The following PDZRN3 variants were observed in gnomAD, a reference collection of about 807,000 sequenced individuals.
PDZRN3 encodes the protein E3 ubiquitin-protein ligase PDZRN3.
In PDZRN3, 38 loss-of-function variants were observed where a neutral mutation model predicts 85.7. The ratio of observed to expected loss-of-function variants is 0.44; its 90% CI spans 0.34 to 0.58. PDZRN3 has a LOEUF of 0.58. Among genes scored for constraint, PDZRN3 ranks in the 20% least tolerant of loss-of-function variants. The probability of loss-of-function intolerance (pLI) is 0.01; values close to 1 mark genes in which losing one functional copy is unlikely to be tolerated. For missense variants in PDZRN3, 1,629 were observed against 1,506.4 expected, an observed-to-expected ratio of 1.08 and a Z score of -1.35; for synonymous variants, 759 against 638.0, an observed-to-expected ratio of 1.19 and a Z score of -2.86.
chr3:73,572,564 T>C (rs527454546), intron 3 of PDZRN3, among the ~76,000 whole-genome samples: 39 of 152,198 alleles, frequency 2.6e-4, no homozygotes, highest in Non-Finnish European at 4.4e-4. Flanking sequence ...TAAATCACAC[T>C]GTACATTCCG....
At chr3:73,611,856 C>T (rs1333132107) in intron 1 of PDZRN3, among the ~76,000 whole-genome samples, 1 of 152,160 alleles carries the variant, frequency 6.6e-6, no homozygotes, top group Non-Finnish European at 1.5e-5. Flanking sequence ...CCTCTGCTTA[C>T]CCATTTAACC....
intron 3 of PDZRN3, among the ~76,000 whole-genome samples, chr3:73,490,577 C>A (rs3213821): frequency 0.67 from 101,151 of 152,030 alleles, 33,826 homozygotes; most frequent in East Asian, 0.87. Flanking sequence ...TTTCTTCACC[C>A]ATTCTCCACC....
At chr3:73,571,768 C>T (rs1702049906) in intron 3 of PDZRN3, among the ~76,000 whole-genome samples, 1 of 152,176 alleles carries the variant, frequency 6.6e-6, no homozygotes, top group African/African-American at 2.4e-5. Context: ...GAGTTGACCT[C>T]TAAGACGGCT....
chr3:73,497,815 CCG>C (rs1703896641), intron 3 of PDZRN3, among the ~76,000 whole-genome samples: 1 of 151,996 alleles, frequency 6.6e-6, no homozygotes, highest in Non-Finnish European at 1.5e-5. Context: ...GTCCCCGCCC[CCG>C]CCAACAGCTC....
chr3:73,617,661 C>G (rs1702784281), intron 1 of PDZRN3, among the ~76,000 whole-genome samples: 2 of 152,160 alleles, frequency 1.3e-5, no homozygotes, highest in Non-Finnish European at 2.9e-5. Context: ...AATTAAAGAG[C>G]TGTTCTCATA....
At chr3:73,420,160 T>C (rs1404694162) in intron 3 of PDZRN3, among the ~76,000 whole-genome samples, 2 of 152,198 alleles carry the variant, frequency 1.3e-5, no homozygotes, top group Admixed American at 1.3e-4. Flanking sequence ...CATGACTCCT[T>C]CTGTCTTGGA....
rs1248330331 is a variant in PDZRN3, at chr3:73,593,713, C to T, written c.918+8641G>A. ...TACTGTTTACCGAAATAAATATACA[C>T]ACACACACACACACACACACACACA... On this transcript the variant is annotated intron_variant, in intron 3 of 9. Coordinates refer to ENST00000263666, the MANE Select transcript of PDZRN3 (RefSeq NM_015009.3). Among the ~76,000 whole-genome samples the T allele has an allele frequency of 5.9e-3, 243 of 40,888 alleles. 1 individual carries two copies. The highest frequency in any genetic ancestry group is 9.1e-3 in the South Asian group (5 of 548). The allele number at this position is 40,888 out of a possible 152,430, so 26.8% of individuals were successfully genotyped here.
At chr3:73,526,662 T>C (rs1704531068) in intron 3 of PDZRN3, among the ~76,000 whole-genome samples, 1 of 152,046 alleles carries the variant, frequency 6.6e-6, no homozygotes, top group African/African-American at 2.4e-5. Flanking sequence ...CCCATAAACT[T>C]TGTCTTAGTT....
chr3:73,445,120 G>A (rs918599328), intron 3 of PDZRN3, among the ~76,000 whole-genome samples: 5 of 152,198 alleles, frequency 3.3e-5, no homozygotes, highest in Non-Finnish European at 7.3e-5. Flanking sequence ...ATTCAGAACT[G>A]GGAATCTCAA....
At chr3:73,581,352 C>T (rs1281864589) in intron 3 of PDZRN3, among the ~76,000 whole-genome samples, 1 of 152,168 alleles carries the variant, frequency 6.6e-6, no homozygotes, top group Non-Finnish European at 1.5e-5. Context: ...TTTCAATAAC[C>T]AGCCTTGGAA....
At chr3:73,582,944 A>G (rs927313659) in intron 3 of PDZRN3, among the ~76,000 whole-genome samples, 1 of 152,168 alleles carries the variant, frequency 6.6e-6, no homozygotes, top group African/African-American at 2.4e-5. Flanking sequence ...TGATACTTCT[A>G]TTGATATAGC....
chr3:73,543,529 G>GTGCTCTCTCTTTCTCTTTAC (rs1231777664), intron 3 of PDZRN3, among the ~76,000 whole-genome samples: 3 of 152,170 alleles, frequency 2.0e-5, no homozygotes, highest in Non-Finnish European at 4.4e-5. Context: ...ATGCTATTTG[G>GTGCTCTCTCTTTCTCTTTAC]TGCTCTCTCT....
intron 3 of PDZRN3, among the ~76,000 whole-genome samples, chr3:73,561,843 C>T (rs1484817291): frequency 4.6e-5 from 7 of 151,840 alleles, no homozygotes; most frequent in East Asian, 1.9e-4. Flanking sequence ...CCTCTTTCCT[C>T]GATTTTTACT....
At chr3:73,413,024 G>T (rs1299613152) in intron 3 of PDZRN3, among the ~76,000 whole-genome samples, 2 of 152,122 alleles carry the variant, frequency 1.3e-5, no homozygotes, top group African/African-American at 2.4e-5. Flanking sequence ...TAGAATATGA[G>T]GAATATTTAA....
At chr3:73,398,304 G>A (rs1168504908) in intron 5 of PDZRN3, among the ~76,000 whole-genome samples, 1 of 152,200 alleles carries the variant, frequency 6.6e-6, no homozygotes, top group Non-Finnish European at 1.5e-5. Context: ...ACACTGCAGT[G>A]AATGAAAGGC....
intron 3 of PDZRN3, among the ~76,000 whole-genome samples, chr3:73,552,136 C>T (rs1408934370): frequency 2.0e-5 from 3 of 152,140 alleles, no homozygotes; most frequent in Non-Finnish European, 4.4e-5. Flanking sequence ...TTCCCACGTC[C>T]TCGTCTTCTA....
intron 3 of PDZRN3, among the ~76,000 whole-genome samples, chr3:73,516,727 C>T (rs1035075444): frequency 1.3e-5 from 2 of 152,104 alleles, no homozygotes; most frequent in African/African-American, 4.8e-5. Context: ...GTAAAAACAA[C>T]CCTGGCCAAA....
intron 3 of PDZRN3, among the ~76,000 whole-genome samples, chr3:73,489,257 T>C (rs73838544): frequency 1.4e-3 from 217 of 152,334 alleles, no homozygotes; most frequent in African/African-American, 5.2e-3. Flanking sequence ...AGAAAGATCA[T>C]GAAAGAAAAG....
chr3:73,431,616 T>G (rs1341501019), intron 3 of PDZRN3, among the ~76,000 whole-genome samples: 2 of 152,174 alleles, frequency 1.3e-5, no homozygotes, highest in African/African-American at 4.8e-5. Flanking sequence ...TCCCAAAGAA[T>G]AGGAGCAGGG....
Sources: allele counts gnomAD v4.1 joint callset (sites outside exome capture counted in the v4.1 genomes callset), GRCh38; gene constraint gnomAD v4.1.1; transcripts MANE v1.5; gene names NCBI Gene and HGNC (gene_info 2026-07-23, HGNC 2026-07-21).